FGF12: variants seen among roughly 807,000 people sequenced by gnomAD.
The protein encoded by FGF12 is fibroblast growth factor 12.
A neutral mutation model predicts 23.6 loss-of-function variants in FGF12; 14 were observed. The observed-to-expected ratio is 0.59, with a 90% CI of 0.39 to 0.93. The LOEUF (loss-of-function observed/expected upper bound fraction) is 0.93, where lower values mean the gene tolerates loss of function less well. Ranked by LOEUF, FGF12 falls within the 40% of genes least tolerant of loss-of-function variation. FGF12 has a pLI of 0.00. For missense variants in FGF12, 175 were observed against 217.8 expected, an observed-to-expected ratio of 0.80 and a Z score of 1.24; for synonymous variants, 62 against 77.3, an observed-to-expected ratio of 0.80 and a Z score of 1.04.
intron 3 of FGF12, among the ~76,000 whole-genome samples, chr3:192,341,909 G>GACCTTGGCCTTAGAA (rs1450572549): frequency 2.0e-5 from 3 of 151,860 alleles, no homozygotes; most frequent in Non-Finnish European, 4.4e-5. Context: ...CTAACATTTG[G>GACCTTGGCCTTAGAA]AGTTAACATA....
intron 4 of FGF12, among the ~76,000 whole-genome samples, chr3:192,207,142 C>A (rs1717694403): frequency 1.3e-5 from 2 of 152,170 alleles, no homozygotes; most frequent in South Asian, 4.1e-4. Context: ...ATTTGAATAT[C>A]CATCCATTCA....
intron 2 of FGF12, among the ~76,000 whole-genome samples, chr3:192,560,336 CAAAT>C (rs1239495926): frequency 6.6e-6 from 1 of 151,144 alleles, no homozygotes; most frequent in Non-Finnish European, 1.5e-5. Flanking sequence ...AAATTACACT[CAAAT>C]AAATAAAAAA....
intron 4 of FGF12, among the ~76,000 whole-genome samples, chr3:192,176,919 C>G (rs1715894357): frequency 6.6e-6 from 1 of 152,148 alleles, no homozygotes; most frequent in Admixed American, 6.5e-5. Context: ...ATTTTCTATT[C>G]CACACCGTTA....
chr3:192,351,663 A>G (rs1031331243), intron 3 of FGF12, among the ~76,000 whole-genome samples: 3 of 152,206 alleles, frequency 2.0e-5, no homozygotes, highest in Non-Finnish European at 4.4e-5. Context: ...GAAAATCTCC[A>G]TTGCTTGGCT....
intron 2 of FGF12, among the ~76,000 whole-genome samples, chr3:192,434,277 TG>T (rs1272137965): frequency 6.6e-6 from 1 of 152,194 alleles, no homozygotes; most frequent in Non-Finnish European, 1.5e-5. Flanking sequence ...GATTAGCCTC[TG>T]TTCAGCGGAA....
chr3:192,442,621 A>T (rs555674099), intron 2 of FGF12, among the ~76,000 whole-genome samples: 3 of 152,228 alleles, frequency 2.0e-5, no homozygotes, highest in Non-Finnish European at 4.4e-5. Context: ...AGAAATGTGA[A>T]TATCATCACA....
intron 2 of FGF12, among the ~76,000 whole-genome samples, chr3:192,460,245 ACTT>A (rs1212112115): frequency 6.6e-6 from 1 of 152,158 alleles, no homozygotes; most frequent in Non-Finnish European, 1.5e-5. Context: ...CCTTGCCTGA[ACTT>A]CTTCCTTTTC....
Position 192,143,448 on chromosome 3 carries a change from A to C in FGF12, c.*561T>G, listed in dbSNP as rs1252513565. ...TAAATGGTTCCTGGCTATATATTTT[A>C]TAGGTATTAACATAGTTTATAATTT... is the stretch of plus-strand genomic sequence containing the variant. On this transcript the variant is annotated 3_prime_UTR_variant, in exon 6 of 6. Coordinates refer to ENST00000445105, the MANE Select transcript of FGF12 (RefSeq NM_004113.6). 1.6e-4 allele frequency: 25 copies of C among 152,114 alleles called. No individual in the cohort carries two copies. Among genetic ancestry groups the C allele is most frequent in the African/African-American group, 6.0e-4 (25 of 41,426 alleles). The allele number at this position is 152,114 out of a possible 1,614,324, so 9.4% of individuals were successfully genotyped here.
At chr3:192,593,504 T>G (rs1713714312) in intron 2 of FGF12, among the ~76,000 whole-genome samples, 1 of 151,940 alleles carries the variant, frequency 6.6e-6, no homozygotes, top group South Asian at 2.1e-4. Context: ...ATTATTTTGT[T>G]TGCTACTGAA....
intron 4 of FGF12, among the ~76,000 whole-genome samples, chr3:192,307,877 G>A (rs1338463250): frequency 6.6e-6 from 1 of 152,090 alleles, no homozygotes; most frequent in Non-Finnish European, 1.5e-5. Context: ...TTTTTCATCT[G>A]AGACTTAGGC....
At chr3:192,715,713 A>G (rs1560203897) in intron 2 of FGF12, among the ~76,000 whole-genome samples, 1 of 152,234 alleles carries the variant, frequency 6.6e-6, no homozygotes, top group Non-Finnish European at 1.5e-5. Flanking sequence ...AAATTTTCAC[A>G]TGTATTGCCA....
intron 2 of FGF12, among the ~76,000 whole-genome samples, chr3:192,671,676 A>G (rs1322336048): frequency 6.6e-6 from 1 of 152,116 alleles, no homozygotes; most frequent in African/African-American, 2.4e-5. Context: ...GATAAATGGG[A>G]TAACTCTTTA....
At chr3:192,660,602 T>C (rs554820043) in intron 2 of FGF12, among the ~76,000 whole-genome samples, 10 of 152,008 alleles carry the variant, frequency 6.6e-5, no homozygotes, top group Non-Finnish European at 1.3e-4. Flanking sequence ...GACCATTGTA[T>C]ACTCTGTTTT....
intron 2 of FGF12, among the ~76,000 whole-genome samples, chr3:192,697,760 C>G (rs1223903335): frequency 1.3e-5 from 2 of 152,192 alleles, no homozygotes; most frequent in Non-Finnish European, 2.9e-5. Flanking sequence ...TTCCTTGATG[C>G]TTTGCAAATA....
chr3:192,629,775 C>T (rs1168619124), intron 2 of FGF12, among the ~76,000 whole-genome samples: 1 of 152,226 alleles, frequency 6.6e-6, no homozygotes, highest in Non-Finnish European at 1.5e-5. Context: ...GTAGTCTCAT[C>T]TCCATTCCTA....
intron 4 of FGF12, among the ~76,000 whole-genome samples, chr3:192,186,507 A>G (rs1237038147): frequency 6.6e-6 from 1 of 152,216 alleles, no homozygotes; most frequent in Non-Finnish European, 1.5e-5. Context: ...GACTCATTCT[A>G]TTAAAGTTAT....
chr3:192,270,510 G>A (rs776065907), intron 4 of FGF12, among the ~76,000 whole-genome samples: 1 of 152,098 alleles, frequency 6.6e-6, no homozygotes, highest in Non-Finnish European at 1.5e-5. Context: ...CAGATCTCAT[G>A]AAGGGTACTG....
chr3:192,200,293 C>T (rs1181007250), intron 4 of FGF12, among the ~76,000 whole-genome samples: 1 of 151,858 alleles, frequency 6.6e-6, no homozygotes, highest in Non-Finnish European at 1.5e-5. Flanking sequence ...TGTGCCACTG[C>T]ACTCCAGCAT....
In FGF12 at chr3:192,143,748, G is replaced by C; in HGVS notation, c.*261C>G. 1 of 372,372 alleles carries C rather than the reference G, an allele frequency of 2.7e-6. No homozygotes were observed. Among genetic ancestry groups the C allele is most frequent in the Non-Finnish European group, 4.8e-6 (1 of 207,638 alleles). The allele number at this position is 372,372 out of a possible 1,614,324, so 23.1% of individuals were successfully genotyped here. ...TACAGTTTAATTTAATATTTATGGA[G>C]TTCTGATTTATTTTTTCCTTTGCTT... On this transcript the variant is annotated 3_prime_UTR_variant, in exon 6 of 6. Coordinates refer to ENST00000445105, the MANE Select transcript of FGF12 (RefSeq NM_004113.6).
Sources: allele counts gnomAD v4.1 joint callset (sites outside exome capture counted in the v4.1 genomes callset), GRCh38; gene constraint gnomAD v4.1.1; transcripts MANE v1.5; gene names NCBI Gene and HGNC (gene_info 2026-07-23, HGNC 2026-07-21).